Variants in SLC12A1 observed in about 807,000 individuals in gnomAD.
SLC12A1 encodes Na-K-2Cl cotransporter.
SLC12A1 carries 89 observed loss-of-function variants against 130.4 expected under a neutral mutation model. That is an observed-to-expected ratio of 0.68 (90% confidence interval 0.58 to 0.81). The LOEUF (loss-of-function observed/expected upper bound fraction) is 0.81, where lower values mean the gene tolerates loss of function less well. Among genes scored for constraint, SLC12A1 ranks in the 40% least tolerant of loss-of-function variants. The pLI is 0.00. For synonymous variants in SLC12A1, 499 were observed against 460.0 expected (o/e 1.08, Z -1.09); for missense variants, 1,310 against 1,336.4 (o/e 0.98, Z 0.31).
At chr15:48,208,375 A>G (rs896256871) in intron 2 of SLC12A1, among the ~76,000 whole-genome samples, 2 of 152,004 alleles carry the variant, frequency 1.3e-5, no homozygotes, top group East Asian at 3.9e-4. Context: ...CCCAGCCTGA[A>G]GTGTGGTGGA....
intron 24 of SLC12A1, among the ~76,000 whole-genome samples, chr15:48,297,805 G>T (rs1235800767): frequency 5.3e-5 from 8 of 152,172 alleles, no homozygotes; most frequent in Admixed American, 5.2e-4. Context: ...TCCAGGTCAA[G>T]GAGGACAATG....
At chr15:48,229,083 T>A in intron 5 of SLC12A1, 106 bp from the exon 6 acceptor site, 1 of 1,234,840 alleles carries the variant, frequency 8.1e-7, no homozygotes, top group African/African-American at 1.5e-5. Context: ...GTTGTAATAC[T>A]GTTATTGAAA....
chr15:48,219,778 C>A (rs1286070196), intron 2 of SLC12A1, among the ~76,000 whole-genome samples: 1 of 151,598 alleles, frequency 6.6e-6, no homozygotes, highest in East Asian at 1.9e-4. Context: ...ATAGGACGGG[C>A]GCGGTGGCTC....
chr15:48,290,771 ATAT>A (rs1160788396), intron 23 of SLC12A1, among the ~76,000 whole-genome samples: 3 of 151,946 alleles, frequency 2.0e-5, no homozygotes, highest in African/African-American at 7.3e-5. Context: ...TTGTATGCTA[ATAT>A]TATATAGATT....
chr15:48,301,933 C>A (rs773408956), intron 26 of SLC12A1, among the ~76,000 whole-genome samples: 50 of 152,142 alleles, frequency 3.3e-4, no homozygotes, highest in Non-Finnish European at 1.2e-4. Flanking sequence ...ACAAGAAAAT[C>A]TCTAATGACT....
chr15:48,218,126 T>C (rs780155865), intron 2 of SLC12A1, among the ~76,000 whole-genome samples: 5 of 152,164 alleles, frequency 3.3e-5, no homozygotes, highest in South Asian at 2.1e-4. Flanking sequence ...GCATTGTTTA[T>C]TGATGGCCTG....
Position 48,234,874 on chromosome 15 carries a change from C to T in SLC12A1, c.1088-3C>T. On this transcript the variant is annotated splice_region_variant and splice_polypyrimidine_tract_variant and intron_variant, in intron 8 of 26. Transcript: ENST00000380993. ...CATAATTTTCTTATAATTTATGTTGCAGCATCAATATTTGCAGAAAACTTT... is the reference window on the plus strand; with the variant it reads ...CATAATTTTCTTATAATTTATGTTGTAGCATCAATATTTGCAGAAAACTTT... 2 of 1,613,466 alleles carry T rather than the reference C, an allele frequency of 1.2e-6. No individual in the cohort carries two copies. Among genetic ancestry groups the T allele is most frequent in the Non-Finnish European group, 1.7e-6 (2 of 1,179,530 alleles).
chr15:48,292,881 A>C lies in SLC12A1; in HGVS notation c.2960+1017A>C, dbSNP rs182016564. Among the ~76,000 whole-genome samples the C allele has an allele frequency of 2.2e-3, 328 of 152,264 alleles. 1 individual carries two copies. Among genetic ancestry groups the C allele is most frequent in the South Asian group, 3.7e-3 (18 of 4,808 alleles). Reference sequence around the variant, plus strand: ...CACATGAATTTGGGTGGGGGGACACAAGCATTCAGCTTATAACAATGATAT... The same window carrying C: ...CACATGAATTTGGGTGGGGGGACACCAGCATTCAGCTTATAACAATGATAT... On this transcript the variant is annotated intron_variant, in intron 24 of 26. Coordinates refer to ENST00000380993, the MANE Select transcript of SLC12A1 (RefSeq NM_000338.3).
intron 4 of SLC12A1, chr15:48,221,225 G>C (rs1245374931): frequency 3.0e-6 from 2 of 670,866 alleles, no homozygotes; most frequent in Non-Finnish European, 2.7e-6. Context: ...TGCTCAAGGA[G>C]ATCTCTCTCT....
chr15:48,249,337 A>AG lies in SLC12A1; in HGVS notation c.1685-237dup, dbSNP rs11417784. Among the ~76,000 whole-genome samples, 150,789 of 152,244 alleles carry AG rather than the reference A, an allele frequency of 0.99. 74,696 individuals are homozygous for AG. The highest frequency in any genetic ancestry group is 1 in the Middle Eastern group (294 of 294). On this transcript the variant is annotated intron_variant, in intron 13 of 26. Coordinates refer to ENST00000380993, the MANE Select transcript of SLC12A1 (RefSeq NM_000338.3). ...ACCCATTGCCACTTGAACTTTTTGTAGTAGAGGTCTCGATTGTCTATTTTC... is the reference window on the plus strand; with the variant it reads ...ACCCATTGCCACTTGAACTTTTTGTAGGTAGAGGTCTCGATTGTCTATTTTC...
intron 17 of SLC12A1, among the ~76,000 whole-genome samples, chr15:48,265,642 A>G (rs1206618429): frequency 2.0e-5 from 3 of 152,132 alleles, no homozygotes; most frequent in Non-Finnish European, 2.9e-5. Context: ...TATCTTTTCT[A>G]TCTTCATGGA....
At chr15:48,260,187 C>T (rs1390138194) in intron 17 of SLC12A1, among the ~76,000 whole-genome samples, 1 of 151,804 alleles carries the variant, frequency 6.6e-6, no homozygotes, top group East Asian at 1.9e-4. Flanking sequence ...ATCGCTTGAA[C>T]CTGGGAGGTG....
At chr15:48,252,707 TA>T (rs148936528) in intron 15 of SLC12A1, among the ~76,000 whole-genome samples, 46 of 147,554 alleles carry the variant, frequency 3.1e-4, no homozygotes, top group Admixed American at 9.5e-4. Flanking sequence ...TTTTTTAAAT[TA>T]AAAAAAAAAG....
intron 19 of SLC12A1, among the ~76,000 whole-genome samples, chr15:48,271,602 G>A (rs149735479): frequency 1.9e-4 from 29 of 152,254 alleles, no homozygotes; most frequent in African/African-American, 7.0e-4. Flanking sequence ...TCTTCTGAAT[G>A]TACAGGCATT....
At chr15:48,272,098 G>T (rs997224351) in intron 19 of SLC12A1, among the ~76,000 whole-genome samples, 3 of 152,146 alleles carry the variant, frequency 2.0e-5, no homozygotes, top group African/African-American at 7.2e-5. Context: ...ACTGAACCAA[G>T]GAGGCCTCTG....
At chr15:48,254,750 T>C (rs1220890799) in intron 15 of SLC12A1, among the ~76,000 whole-genome samples, 2 of 150,704 alleles carry the variant, frequency 1.3e-5, no homozygotes, top group African/African-American at 4.9e-5. Context: ...TGAAACTCCG[T>C]CTCTACTTAA....
At chr15:48,273,173 A>T (rs763026659) in intron 19 of SLC12A1, among the ~76,000 whole-genome samples, 2 of 150,924 alleles carry the variant, frequency 1.3e-5, no homozygotes, top group African/African-American at 2.4e-5. Context: ...CGTGTGGGCC[A>T]GGCTGCATTC....
rs34661166 is a variant in SLC12A1, at chr15:48,207,778, G to A, written c.59G>A (p.Arg20His). The change falls in exon 2 of 27, where the codon CGC becomes CAC. Residue 20 changes from arginine to histidine, a missense_variant. Coordinates refer to ENST00000380993, the MANE Select transcript of SLC12A1 (RefSeq NM_000338.3). ...GATTCAGTGCCCAGTAATACCAATC[G>A]CTTTCAAGTTAGTGTCATAAATGAG... is the stretch of plus-strand genomic sequence containing the variant. ...FLDSVPSNTN[R>H]FQVSVINENH... 1.2e-3 allele frequency: 2,012 copies of A among 1,612,630 alleles called. 1 individual carries two copies. Among genetic ancestry groups the A allele is most frequent in the Non-Finnish European group, 1.5e-3 (1,826 of 1,179,304 alleles).
chr15:48,301,503 G>GCGGGGGC lies in SLC12A1; in HGVS notation c.3164+121_3164+122insCGGGGGC, dbSNP rs1555387783. On this transcript the variant is annotated intron_variant, in intron 26 of 26. Coordinates refer to ENST00000380993, the MANE Select transcript of SLC12A1 (RefSeq NM_000338.3). ...TTTGTTTTGTTTTTGTGTTTTTTTT[G>GCGGGGGC]GGGGGGGGAACACGTGGGATTCTTA... The GCGGGGGC allele has an allele frequency of 1.4e-5, 6 of 442,808 alleles. No individual in the cohort carries two copies. The East Asian group carries it at 2.6e-4, about 19-fold the overall frequency. The allele number at this position is 442,808 out of a possible 1,614,324, so 27.4% of individuals were successfully genotyped here. A position where few individuals can be genotyped will look rare whatever the true frequency, so the allele number is the denominator to read the frequency against.
Sources: gnomAD v4.1 joint callset for allele counts (sites outside exome capture counted in the v4.1 genomes callset) on GRCh38, gnomAD v4.1.1 for gene constraint, MANE v1.5 for transcripts, NCBI Gene and HGNC (gene_info 2026-07-23, HGNC 2026-07-21) for gene names.